Variants in KANSL1L observed in about 807,000 individuals in gnomAD.
KANSL1L encodes KAT8 regulatory NSL complex subunit 1 like, also known as KAT8 regulatory NSL complex subunit 1-like protein.
In KANSL1L, 25 loss-of-function variants were observed where a neutral mutation model predicts 108.6. The ratio of observed to expected loss-of-function variants is 0.23; its 90% CI spans 0.17 to 0.32. The LOEUF is 0.32. KANSL1L is among the 10% of genes least tolerant of loss of function. The pLI is 1.00. For missense variants in KANSL1L, 1,137 were observed against 1,125.7 expected (o/e 1.01, Z -0.14); for synonymous variants, 405 against 395.1 (o/e 1.03, Z -0.30).
chr2:210,025,575 AG>A (rs760783732), intron 12 of KANSL1L, among the ~76,000 whole-genome samples: 22 of 152,366 alleles, frequency 1.4e-4, no homozygotes, highest in Non-Finnish European at 2.8e-4. Context: ...ATATAAGATC[AG>A]GTTTCAAAGA....
chr2:210,160,902 A>G (rs984627122), intron 1 of KANSL1L, among the ~76,000 whole-genome samples: 4 of 152,176 alleles, frequency 2.6e-5, no homozygotes, highest in African/African-American at 9.7e-5. Flanking sequence ...TCTAGTAGAC[A>G]AGACAGTGTG....
At chr2:210,074,012 A>G (rs1559534756) in intron 6 of KANSL1L, among the ~76,000 whole-genome samples, 1 of 152,228 alleles carries the variant, frequency 6.6e-6, no homozygotes, top group African/African-American at 2.4e-5. Flanking sequence ...AAATGATTAT[A>G]AAATAGTATA....
At chr2:210,045,622 AT>A (rs2125202290) in intron 6 of KANSL1L, among the ~76,000 whole-genome samples, 1 of 152,214 alleles carries the variant, frequency 6.6e-6, no homozygotes, top group African/African-American at 2.4e-5. Flanking sequence ...CTTTGCTACT[AT>A]CATAGTGTAG....
At chr2:210,047,941 T>C (rs911936713) in intron 6 of KANSL1L, among the ~76,000 whole-genome samples, 1 of 152,202 alleles carries the variant, frequency 6.6e-6, no homozygotes, top group East Asian at 1.9e-4. Flanking sequence ...TACATATGAT[T>C]TGCCCCTCAA....
chr2:210,109,942 G>A (rs1014617629), intron 3 of KANSL1L, among the ~76,000 whole-genome samples: 2 of 152,048 alleles, frequency 1.3e-5, no homozygotes, highest in African/African-American at 4.8e-5. Context: ...TAGAAGGTTG[G>A]CGTCCTAAGG....
rs1278943246 is a variant in KANSL1L, at chr2:210,033,623, G to A, written c.2030-2077C>T. 3.3e-5 allele frequency among the ~76,000 whole-genome samples: 5 copies of A among 151,876 alleles called. 1 individual carries two copies. Among genetic ancestry groups the A allele is most frequent in the Admixed American group, 2.6e-4 (4 of 15,246 alleles). On this transcript the variant is annotated intron_variant, in intron 8 of 14. Transcript: ENST00000281772. The stretch of plus-strand genomic sequence containing the variant: ...CGGCTCACTGCAAACTCCGCCTCCC[G>A]GGTTCACGCCATTCTCCTGCCTCAG...
chr2:210,063,058 C>G (rs569097351), intron 6 of KANSL1L, among the ~76,000 whole-genome samples: 1 of 152,170 alleles, frequency 6.6e-6, no homozygotes, highest in East Asian at 1.9e-4. Context: ...GGCCCAGGGT[C>G]GCTGTGCTGT....
At chr2:210,098,471 C>T (rs1404098893) in intron 4 of KANSL1L, among the ~76,000 whole-genome samples, 1 of 152,008 alleles carries the variant, frequency 6.6e-6, no homozygotes. Flanking sequence ...CACATTTGAA[C>T]CCAGCTAACA....
At chr2:210,089,741 TGAG>T (rs947687624) in intron 5 of KANSL1L, among the ~76,000 whole-genome samples, 2 of 152,122 alleles carry the variant, frequency 1.3e-5, no homozygotes, top group African/African-American at 4.8e-5. Flanking sequence ...GATGGTCTTT[TGAG>T]GAGATAGATT....
chr2:210,100,824 G>A (rs2094786748), intron 4 of KANSL1L, among the ~76,000 whole-genome samples: 1 of 152,130 alleles, frequency 6.6e-6, no homozygotes, highest in Non-Finnish European at 1.5e-5. Context: ...TTTTTGTAGA[G>A]ACAGGGTCTC....
rs568854935 is a variant in KANSL1L at position 210,033,592 on chromosome 2, C to T, written c.2030-2046G>A. On this transcript the variant is annotated intron_variant, in intron 8 of 14. Transcript: ENST00000281772. ...TCTCCCAGGCTGGAGTGCAGTGGCG[C>T]GATCTCGGCTCACTGCAAACTCCGC... Among the ~76,000 whole-genome samples the T allele has an allele frequency of 1.3e-4, 20 of 152,142 alleles. No individual in the cohort carries two copies. In the East Asian group the frequency reaches 2.3e-3, roughly 18 times the overall value.
intron 1 of KANSL1L, chr2:210,170,620 C>A (rs1688274994): frequency 6.6e-6 from 1 of 152,334 alleles, no homozygotes; most frequent in African/African-American, 2.4e-5. Context: ...CCATCTAACT[C>A]TAAAGCCCAA....
chr2:210,098,996 C>T (rs561461328), intron 4 of KANSL1L, among the ~76,000 whole-genome samples: 12 of 151,992 alleles, frequency 7.9e-5, no homozygotes, highest in Admixed American at 7.2e-4. Context: ...CAACTATTTT[C>T]ATTACACCTG....
chr2:210,162,242 A>G (rs191819293), intron 1 of KANSL1L, among the ~76,000 whole-genome samples: 1,494 of 142,152 alleles, frequency 0.011, 44 homozygotes, highest in African/African-American at 0.034. Context: ...ATATATATAT[A>G]TGTATATCAA....
At chr2:210,034,311 A>G (rs1167165513) in intron 8 of KANSL1L, among the ~76,000 whole-genome samples, 2 of 152,188 alleles carry the variant, frequency 1.3e-5, no homozygotes, top group Non-Finnish European at 2.9e-5. Flanking sequence ...AGCTCTAGGA[A>G]AGGCTTCCCC....
rs2095323059 is a variant in KANSL1L at position 210,154,572 on chromosome 2, G to A, written c.11C>T (p.Ala4Val). ...ACCCTTTGCTGTTGCCTCCCTCAGA[G>A]CTGGGGTCATGGCGATTCCTGTAGA... MTP[A>V]LREATAKGIS... Residue 4 changes from alanine to valine, a missense_variant, in exon 2 of 15, where the codon GCT becomes GTT. Around this residue, in one of 3 missense-constraint regions of KANSL1L, gnomAD observed 556 missense variants for 537.7 expected, o/e 1.03. Coordinates refer to ENST00000281772, the MANE Select transcript of KANSL1L (RefSeq NM_152519.4). 6.6e-7 allele frequency: 1 copy of A among 1,513,914 alleles called. No homozygotes were observed. Among genetic ancestry groups the A allele is most frequent in the African/African-American group, 1.4e-5 (1 of 71,710 alleles). 93.8% of individuals were successfully genotyped at this position (1,513,914 alleles called of 1,614,324 possible).
intron 6 of KANSL1L, among the ~76,000 whole-genome samples, chr2:210,075,104 C>T (rs920804955): frequency 1.1e-4 from 17 of 152,270 alleles, no homozygotes; most frequent in Admixed American, 1.0e-3. Flanking sequence ...GAGCACTCAA[C>T]AAGATTAATA....
chr2:210,026,149 A>C (rs929686354), intron 12 of KANSL1L, among the ~76,000 whole-genome samples: 1 of 152,204 alleles, frequency 6.6e-6, no homozygotes, highest in Non-Finnish European at 1.5e-5. Context: ...AGGATCATTC[A>C]GAAGTAAGGA....
chr2:210,049,838 A>G (rs1326122755), intron 6 of KANSL1L, among the ~76,000 whole-genome samples: 2 of 152,228 alleles, frequency 1.3e-5, no homozygotes, highest in African/African-American at 2.4e-5. Flanking sequence ...TCTGCCCATG[A>G]AGGAGAACAG....
Sources: allele counts gnomAD v4.1 joint callset (sites outside exome capture counted in the v4.1 genomes callset), GRCh38; gene constraint gnomAD v4.1.1; regional missense constraint gnomAD v4.1.1; transcripts MANE v1.5; gene names NCBI Gene and HGNC (gene_info 2026-07-23, HGNC 2026-07-21).